The following SSBP2 variants were observed in gnomAD, a reference collection of about 807,000 sequenced individuals.
SSBP2 encodes single stranded DNA binding protein 2.
In SSBP2, 17 loss-of-function variants were observed where a neutral mutation model predicts 61.8. The observed-to-expected ratio is 0.28, with a 90% CI of 0.19 to 0.41. The LOEUF is 0.41. SSBP2 is among the 10% of genes least tolerant of loss of function. The pLI, the probability that SSBP2 is intolerant of heterozygous loss-of-function variation, is 1.00. For missense variants in SSBP2, 310 were observed against 458.7 expected (o/e 0.68, Z 2.96); for synonymous variants, 139 against 141.3 (o/e 0.98, Z 0.12).
intron 4 of SSBP2, among the ~76,000 whole-genome samples, chr5:81,606,612 T>C (rs960404479): frequency 1.3e-5 from 2 of 152,224 alleles, no homozygotes; most frequent in Admixed American, 6.5e-5. Context: ...AGAATGTGAA[T>C]GTGGAGACAA....
chr5:81,436,847 A>T (rs1472141210), intron 15 of SSBP2, among the ~76,000 whole-genome samples: 1 of 152,150 alleles, frequency 6.6e-6, no homozygotes, highest in Non-Finnish European at 1.5e-5. Context: ...AGATACTCAA[A>T]CTATTGAAAG....
intron 10 of SSBP2, among the ~76,000 whole-genome samples, chr5:81,452,715 T>C (rs1298222344): frequency 6.6e-6 from 1 of 152,096 alleles, no homozygotes; most frequent in African/African-American, 2.4e-5. Context: ...CATAGGGAAT[T>C]CAGGAAGTGG....
intron 3 of SSBP2, among the ~76,000 whole-genome samples, chr5:81,633,312 C>T (rs1042250161): frequency 6.6e-6 from 1 of 151,788 alleles, no homozygotes; most frequent in Admixed American, 6.6e-5. Flanking sequence ...GACAGGGTTT[C>T]ACCATGTTGG....
intron 14 of SSBP2, among the ~76,000 whole-genome samples, chr5:81,438,769 CA>C (rs1372275770): frequency 6.6e-6 from 1 of 152,016 alleles, no homozygotes; most frequent in African/African-American, 2.4e-5. Context: ...CTACAAATAA[CA>C]ATATTGCAAA....
Position 81,682,164 on chromosome 5 carries a change from A to G in SSBP2, c.63-31825T>C, listed in dbSNP as rs536204871. ...GAAGAAATTAGAGTAATTTTCTACA[A>G]TCTCTCATAAAATAGAAGCCAGGGG... On this transcript the variant is annotated intron_variant, in intron 1 of 16. Coordinates refer to ENST00000320672, the MANE Select transcript of SSBP2 (RefSeq NM_012446.5). Among the ~76,000 whole-genome samples the G allele has an allele frequency of 2.0e-5, 3 of 152,330 alleles. No individual in the cohort carries two copies. The South Asian group carries it at 6.2e-4, about 32-fold the overall frequency.
At chr5:81,577,882 G>A (rs1436709683) in intron 4 of SSBP2, among the ~76,000 whole-genome samples, 1 of 151,934 alleles carries the variant, frequency 6.6e-6, no homozygotes, top group African/African-American at 2.4e-5. Flanking sequence ...AGACATAGCG[G>A]CTAACATTAT....
At chr5:81,670,250 A>G (rs945835730) in intron 1 of SSBP2, among the ~76,000 whole-genome samples, 1 of 152,210 alleles carries the variant, frequency 6.6e-6, no homozygotes, top group African/African-American at 2.4e-5. Context: ...ACGTGGAGGT[A>G]ACACATGTGT....
Position 81,545,304 on chromosome 5 carries a change from A to C in SSBP2, c.283-31587T>G, listed in dbSNP as rs148457079. Reference sequence around the variant, plus strand: ...TTTATCTGGCAATCCTATACATAGTAGACTGTGACATAAGGTAAGAAATAA... The same window carrying C: ...TTTATCTGGCAATCCTATACATAGTCGACTGTGACATAAGGTAAGAAATAA... On this transcript the variant is annotated intron_variant, in intron 4 of 16. Transcript: ENST00000320672. 7.9e-3 allele frequency among the ~76,000 whole-genome samples: 1,196 copies of C among 152,338 alleles called. 18 individuals carry two copies. The highest frequency in any genetic ancestry group is 0.028 in the African/African-American group (1,156 of 41,570).
At chr5:81,519,617 C>T (rs1769301952) in intron 4 of SSBP2, among the ~76,000 whole-genome samples, 1 of 152,078 alleles carries the variant, frequency 6.6e-6, no homozygotes, top group Non-Finnish European at 1.5e-5. Context: ...CTTTCTCCTC[C>T]TATTGTCTGG....
chr5:81,537,631 A>C (rs1770913350), intron 4 of SSBP2, among the ~76,000 whole-genome samples: 1 of 152,168 alleles, frequency 6.6e-6, no homozygotes. Flanking sequence ...CAGGTCTGTC[A>C]CATTTGGTAA....
intron 1 of SSBP2, among the ~76,000 whole-genome samples, chr5:81,665,059 A>G (rs1183372013): frequency 6.6e-6 from 1 of 152,166 alleles, no homozygotes; most frequent in Non-Finnish European, 1.5e-5. Context: ...TTTTGGTTCC[A>G]TATGAATTTT....
intron 1 of SSBP2, 21 bp downstream of exon 1, chr5:81,750,960 G>A (rs1321904838): frequency 1.9e-6 from 3 of 1,581,504 alleles, no homozygotes; most frequent in African/African-American, 1.3e-5. Flanking sequence ...GCGGAGGTGG[G>A]TGAGAAGCGG....
intron 4 of SSBP2, among the ~76,000 whole-genome samples, chr5:81,538,783 T>A (rs1358021911): frequency 3.3e-5 from 5 of 152,190 alleles, no homozygotes; most frequent in Non-Finnish European, 7.3e-5. Context: ...TGACAGCACA[T>A]CTGTTCACAG....
intron 1 of SSBP2, among the ~76,000 whole-genome samples, chr5:81,706,058 A>T (rs1754366595): frequency 6.6e-6 from 1 of 152,218 alleles, no homozygotes; most frequent in African/African-American, 2.4e-5. Context: ...CGCTGATCAC[A>T]GCATATTCAC....
intron 8 of SSBP2, among the ~76,000 whole-genome samples, chr5:81,471,832 T>G (rs1765264741): frequency 6.6e-6 from 1 of 151,958 alleles, no homozygotes; most frequent in South Asian, 2.1e-4. Flanking sequence ...ATGGGTTTTT[T>G]TTTTCCTATA....
intron 14 of SSBP2, chr5:81,437,723 C>A (rs2153948820): frequency 8.1e-6 from 2 of 247,532 alleles, no homozygotes; most frequent in South Asian, 1.1e-4. Flanking sequence ...ATCATAGATT[C>A]CTAAATGTGA....
intron 4 of SSBP2, among the ~76,000 whole-genome samples, chr5:81,600,432 A>G (rs1416308594): frequency 6.6e-6 from 1 of 151,914 alleles, no homozygotes; most frequent in Middle Eastern, 3.4e-3. Context: ...GTGGTGGTGC[A>G]TGCCTGTAGT....
In SSBP2 at chr5:81,415,922, A is replaced by AAAAAAAAAAAAAAAAAAAAAAG. The variant is rs766994399; in HGVS notation, c.*4581_*4582insCTTTTTTTTTTTTTTTTTTTTT. 2.8e-4 allele frequency: 21 copies of AAAAAAAAAAAAAAAAAAAAAAG among 73,752 alleles called. No individual in the cohort carries two copies. In the African/African-American group the frequency reaches 3.1e-3, roughly 11 times the overall value. The allele number at this position is 73,752 out of a possible 1,614,324, so 4.6% of individuals were successfully genotyped here. A position where few individuals can be genotyped will look rare whatever the true frequency, so the allele number is the denominator to read the frequency against. ...GCAAGATTCTGACTCAAAAAAAAAAAAAAAAAAGAGGAAAACCTGATCAAG... is the reference window on the plus strand; with the variant it reads ...GCAAGATTCTGACTCAAAAAAAAAAAAAAAAAAAAAAAAAAAAAAAAGAAAAAAAGAGGAAAACCTGATCAAG... On this transcript the variant is annotated 3_prime_UTR_variant, in exon 17 of 17. Coordinates refer to ENST00000320672, the MANE Select transcript of SSBP2 (RefSeq NM_012446.5).
intron 4 of SSBP2, among the ~76,000 whole-genome samples, chr5:81,522,383 CTGAG>C (rs1198589601): frequency 6.6e-6 from 1 of 151,822 alleles, no homozygotes; most frequent in Non-Finnish European, 1.5e-5. Context: ...AGTAACGTAC[CTGAG>C]TGATTTTTTT....
Sources: allele counts gnomAD v4.1 joint callset (sites outside exome capture counted in the v4.1 genomes callset), GRCh38; gene constraint gnomAD v4.1.1; transcripts MANE v1.5; gene names NCBI Gene and HGNC (gene_info 2026-07-23, HGNC 2026-07-21).